Variants in ACTR3C observed in about 807,000 individuals in gnomAD.
ACTR3C encodes actin related protein 3C.
In ACTR3C, 18 loss-of-function variants were observed where a neutral mutation model predicts 26.3. The ratio of observed to expected loss-of-function variants is 0.68; its 90% CI spans 0.47 to 1.01. The LOEUF is 1.01. ACTR3C is among the 50% of genes least tolerant of loss of function. ACTR3C has a pLI of 0.00. For missense variants in ACTR3C, 184 were observed against 250.7 expected, an observed-to-expected ratio of 0.73 and a Z score of 1.80; for synonymous variants, 55 against 94.5, an observed-to-expected ratio of 0.58 and a Z score of 2.42.
chr7:150,109,819 G>C, the ACTR3C span, among the ~76,000 whole-genome samples: 1 of 145,590 alleles, frequency 6.9e-6, no homozygotes, highest in Non-Finnish European at 1.5e-5. Context: ...ATCTCAAAAC[G>C]AAATCTGGTC....
the ACTR3C span, among the ~76,000 whole-genome samples, chr7:149,934,308 A>C: frequency 6.6e-6 from 1 of 152,186 alleles, no homozygotes; most frequent in Non-Finnish European, 1.5e-5. Context: ...TCCACTCAAC[A>C]CTAGCAACAC....
At chr7:150,032,660 G>T in the ACTR3C span, among the ~76,000 whole-genome samples, 1 of 150,840 alleles carries the variant, frequency 6.6e-6, no homozygotes, top group Non-Finnish European at 1.5e-5. Flanking sequence ...TAGGGAGACA[G>T]ACAGAAAGAG....
the ACTR3C span, among the ~76,000 whole-genome samples, chr7:149,996,641 T>C: frequency 1.3e-5 from 2 of 151,954 alleles, no homozygotes; most frequent in Non-Finnish European, 2.9e-5. Flanking sequence ...TTGATTTTGC[T>C]CTATTATAAT....
At chr7:150,011,259 C>T in the ACTR3C span, among the ~76,000 whole-genome samples, 1 of 152,110 alleles carries the variant, frequency 6.6e-6, no homozygotes, top group East Asian at 1.9e-4. Flanking sequence ...TTTCTTAACA[C>T]CTTCATCAAA....
chr7:150,286,980 T>C (rs1835828128), intron 4 of ACTR3C, among the ~76,000 whole-genome samples: 2 of 152,180 alleles, frequency 1.3e-5, no homozygotes. Context: ...TAAACCTGAC[T>C]GTAGAGGCTT....
At chr7:150,144,881 C>G in the ACTR3C span, among the ~76,000 whole-genome samples, 1 of 151,944 alleles carries the variant, frequency 6.6e-6, no homozygotes, top group Non-Finnish European at 1.5e-5. This position sits in a 1 kb window ranked among gnomAD's most constrained non-coding sequence, Gnocchi z 4.6. Flanking sequence ...AACCCCGTCT[C>G]TACTAAAAAT....
chr7:150,061,621 G>A, the ACTR3C span, among the ~76,000 whole-genome samples: 10 of 40,994 alleles, frequency 2.4e-4, no homozygotes, highest in African/African-American at 6.9e-4. Context: ...AAAAGTAGGA[G>A]AGAGTTTGGG....
chr7:149,888,143 G>A, the ACTR3C span, among the ~76,000 whole-genome samples: 4 of 152,162 alleles, frequency 2.6e-5, no homozygotes, highest in Admixed American at 2.6e-4. Context: ...CAGCATTATT[G>A]CGGCACACCT....
chr7:149,964,352 G>C, the ACTR3C span, among the ~76,000 whole-genome samples: 17 of 152,202 alleles, frequency 1.1e-4, no homozygotes, highest in Non-Finnish European at 7.3e-5. Flanking sequence ...AAGAAAGAAT[G>C]GGAAGAGAGA....
At chr7:150,199,764 C>T in the ACTR3C span, among the ~76,000 whole-genome samples, 1 of 138,772 alleles carries the variant, frequency 7.2e-6, no homozygotes. Flanking sequence ...ACTGGAGGTC[C>T]TGACCAAGAT....
chr7:150,007,322 A>G, the ACTR3C span, among the ~76,000 whole-genome samples: 3 of 152,228 alleles, frequency 2.0e-5, no homozygotes, highest in Non-Finnish European at 4.4e-5. Flanking sequence ...TTTCTTTCTT[A>G]TAGTATTTAC....
the ACTR3C span, among the ~76,000 whole-genome samples, chr7:150,048,638 CG>C: frequency 2.0e-5 from 3 of 151,804 alleles, no homozygotes; most frequent in Admixed American, 1.3e-4. Flanking sequence ...CAGCCGGCCC[CG>C]GGGCGCCCCA....
chr7:149,886,683 C>G, the ACTR3C span, among the ~76,000 whole-genome samples: 2 of 152,190 alleles, frequency 1.3e-5, no homozygotes, highest in Non-Finnish European at 2.9e-5. Context: ...CAGCCAGACA[C>G]AGTTTCTCAC....
chr7:150,079,278 C>A, the ACTR3C span, among the ~76,000 whole-genome samples: 1 of 152,156 alleles, frequency 6.6e-6, no homozygotes, highest in Admixed American at 6.5e-5. Flanking sequence ...GTACCGGCAT[C>A]AGGGAAACTT....
the ACTR3C span, among the ~76,000 whole-genome samples, chr7:149,970,904 A>C: frequency 6.6e-6 from 1 of 152,204 alleles, no homozygotes; most frequent in African/African-American, 2.4e-5. Flanking sequence ...TAATGGATGG[A>C]ATCAAGAATT....
chr7:150,319,910 T>A, intron 1 of ACTR3C, among the ~76,000 whole-genome samples: 1 of 152,212 alleles, frequency 6.6e-6, no homozygotes. Flanking sequence ...TGATTTTAGG[T>A]CAACCCTCCT....
At chr7:149,907,478 T>TTCTCTTCTCTCTCTTTCTCTCTC in the ACTR3C span, among the ~76,000 whole-genome samples, 4 of 97,606 alleles carry the variant, frequency 4.1e-5, no homozygotes, top group Admixed American at 2.4e-4. Flanking sequence ...CTCTCTTCTC[T>TTCTCTTCTCTCTCTTTCTCTCTC]TCTCTCTCTC....
chr7:150,265,880 T>C (rs1223769788), intron 6 of ACTR3C, among the ~76,000 whole-genome samples: 10 of 152,100 alleles, frequency 6.6e-5, no homozygotes, highest in Non-Finnish European at 1.5e-4. Flanking sequence ...GTAACTTATA[T>C]ACATCATGGC....
chr7:150,304,410 C>T (rs1795651279), intron 1 of ACTR3C, among the ~76,000 whole-genome samples: 1 of 152,130 alleles, frequency 6.6e-6, no homozygotes, highest in Non-Finnish European at 1.5e-5. Context: ...TTCGTAGGTT[C>T]ATCTCTAAAA....
Sources: gnomAD v4.1 joint callset for allele counts (sites outside exome capture counted in the v4.1 genomes callset) on GRCh38, gnomAD v4.1.1 for gene constraint, Gnocchi (gnomAD v3.1) non-coding constraint, MANE v1.5 for transcripts, NCBI Gene and HGNC (gene_info 2026-07-23, HGNC 2026-07-21) for gene names.